Variants in RALYL observed in about 807,000 individuals in gnomAD.
The protein encoded by RALYL is RNA-binding Raly-like protein.
Under a neutral mutation model 35.1 loss-of-function variants are expected in RALYL, and 29 were observed. The ratio of observed to expected loss-of-function variants is 0.83; its 90% CI spans 0.61 to 1.13. The LOEUF (loss-of-function observed/expected upper bound fraction) is 1.13, where lower values mean the gene tolerates loss of function less well. Among genes scored for constraint, RALYL ranks in the 50% most tolerant of loss-of-function variants. The pLI, the probability that RALYL is intolerant of heterozygous loss-of-function variation, is 0.00. For missense variants in RALYL, 359 were observed against 360.4 expected (o/e 1.00, Z 0.03); for synonymous variants, 120 against 127.6 (o/e 0.94, Z 0.40).
intron 2 of RALYL, among the ~76,000 whole-genome samples, chr8:84,594,469 A>G (rs1331691502): frequency 1.3e-5 from 2 of 152,060 alleles, no homozygotes; most frequent in Non-Finnish European, 2.9e-5. Flanking sequence ...TATATAGATA[A>G]AAATGAACAT....
At chr8:84,583,851 C>T (rs573138338) in intron 2 of RALYL, among the ~76,000 whole-genome samples, 23 of 152,174 alleles carry the variant, frequency 1.5e-4, no homozygotes, top group Admixed American at 7.2e-4. Context: ...AAAACAGAGG[C>T]TTAGGAATAG....
At chr8:84,779,469 C>T (rs1817596992) in intron 3 of RALYL, among the ~76,000 whole-genome samples, 1 of 152,166 alleles carries the variant, frequency 6.6e-6, no homozygotes, top group Non-Finnish European at 1.5e-5. Flanking sequence ...TATATAGTTT[C>T]ATCCCATTGA....
At chr8:84,562,409 T>C (rs1373403734) in intron 2 of RALYL, among the ~76,000 whole-genome samples, 2 of 151,960 alleles carry the variant, frequency 1.3e-5, no homozygotes, top group Non-Finnish European at 2.9e-5. Flanking sequence ...ATTAACTCGT[T>C]AACATCTTCA....
At chr8:84,573,431 C>T (rs1205055853) in intron 2 of RALYL, among the ~76,000 whole-genome samples, 1 of 151,704 alleles carries the variant, frequency 6.6e-6, no homozygotes, top group African/African-American at 2.4e-5. Flanking sequence ...GTAATCTTTG[C>T]TCCTATGTAC....
intron 2 of RALYL, among the ~76,000 whole-genome samples, chr8:84,751,293 C>T (rs528654467): frequency 8.5e-5 from 13 of 152,122 alleles, no homozygotes; most frequent in Admixed American, 7.9e-4. Flanking sequence ...CTGCAACCTC[C>T]GCCTCCCAGG....
At chr8:84,229,476 A>G (rs1824815868) in intron 1 of RALYL, among the ~76,000 whole-genome samples, 1 of 152,224 alleles carries the variant, frequency 6.6e-6, no homozygotes, top group Admixed American at 6.5e-5. Flanking sequence ...TTCTTACACT[A>G]GAAGACAACT....
At chr8:84,884,117 G>T (rs1332720642) in intron 7 of RALYL, among the ~76,000 whole-genome samples, 5 of 152,012 alleles carry the variant, frequency 3.3e-5, no homozygotes, top group African/African-American at 1.2e-4. Context: ...AAAATGTTTT[G>T]ATAACTGACT....
At chr8:84,690,092 A>G (rs1323350530) in intron 2 of RALYL, among the ~76,000 whole-genome samples, 2 of 152,152 alleles carry the variant, frequency 1.3e-5, no homozygotes, top group Non-Finnish European at 2.9e-5. Flanking sequence ...TCATTGCAGC[A>G]TTATTCACAA....
rs556924476 is a variant in RALYL, at chr8:84,801,363, C to T, written c.333-3407C>T. 8.5e-5 allele frequency among the ~76,000 whole-genome samples: 13 copies of T among 152,306 alleles called. No homozygotes were observed. The South Asian group carries it at 1.2e-3, about 15-fold the overall frequency. ...TCGGCAACATTCTCCCCTCTAGACC[C>T]ATCATCAGAAGACTTAACACAAAAC... On this transcript the variant is annotated intron_variant, in intron 3 of 8. Transcript: ENST00000521268.
chr8:84,587,066 G>A (rs1490423929), intron 2 of RALYL, among the ~76,000 whole-genome samples: 3 of 152,130 alleles, frequency 2.0e-5, no homozygotes, highest in Non-Finnish European at 4.4e-5. Context: ...GAAGCAGAAA[G>A]GAACAGACAT....
chr8:84,414,078 G>A (rs1027129397), intron 1 of RALYL, among the ~76,000 whole-genome samples: 1 of 151,974 alleles, frequency 6.6e-6, no homozygotes, highest in Admixed American at 6.6e-5. Flanking sequence ...CTTCTATTGT[G>A]TTCAGCAGAA....
chr8:84,740,110 C>T (rs1425567221), intron 2 of RALYL, among the ~76,000 whole-genome samples: 1 of 151,908 alleles, frequency 6.6e-6, no homozygotes, highest in Non-Finnish European at 1.5e-5. Context: ...CATGCTAATA[C>T]TTATGAACGA....
intron 2 of RALYL, among the ~76,000 whole-genome samples, chr8:84,645,289 T>A (rs925119795): frequency 2.0e-5 from 3 of 151,880 alleles, no homozygotes; most frequent in African/African-American, 7.2e-5. Context: ...TTATACTACA[T>A]TTTAACTTGT....
At chr8:84,218,470 T>A (rs990871312) in intron 1 of RALYL, among the ~76,000 whole-genome samples, 1 of 152,098 alleles carries the variant, frequency 6.6e-6, no homozygotes, top group African/African-American at 2.4e-5. Flanking sequence ...TGTTCAGAGC[T>A]GTTAAAATGT....
chr8:84,769,618 G>A (rs1380257733), intron 2 of RALYL, among the ~76,000 whole-genome samples: 1 of 152,040 alleles, frequency 6.6e-6, no homozygotes, highest in Non-Finnish European at 1.5e-5. Context: ...AAAATTAGTA[G>A]GGCAGGGTGG....
chr8:84,711,193 T>C (rs544882906), intron 2 of RALYL, among the ~76,000 whole-genome samples: 1 of 151,994 alleles, frequency 6.6e-6, no homozygotes, highest in South Asian at 2.1e-4. Context: ...AAAGATGAGG[T>C]CAAAAAAGCA....
intron 1 of RALYL, among the ~76,000 whole-genome samples, chr8:84,280,440 TAAAC>T (rs1220605042): frequency 5.9e-5 from 9 of 152,088 alleles, no homozygotes; most frequent in African/African-American, 2.4e-5. Flanking sequence ...AACGACTAAA[TAAAC>T]AGTATGTTAC....
chr8:84,186,670 T>C (rs1812606898), intron 1 of RALYL, among the ~76,000 whole-genome samples: 2 of 152,194 alleles, frequency 1.3e-5, no homozygotes, highest in Admixed American at 6.5e-5. Flanking sequence ...ACGATTTTAA[T>C]GTGAGGACAG....
chr8:84,269,962 T>C lies in RALYL; in HGVS notation c.-24+85538T>C, dbSNP rs186574670. Among the ~76,000 whole-genome samples the C allele has an allele frequency of 1.7e-3, 252 of 152,252 alleles. 1 individual carries two copies. The highest frequency in any genetic ancestry group is 5.8e-3 in the African/African-American group (242 of 41,548). On this transcript the variant is annotated intron_variant, in intron 1 of 8. Coordinates refer to ENST00000521268, the MANE Select transcript of RALYL (RefSeq NM_173848.7). Reference sequence around the variant, plus strand: ...TAAAGAGTAAATTAGGGTAAAGAACTAGTTTCTGATTGTATAATTTTACTG... The same window carrying C: ...TAAAGAGTAAATTAGGGTAAAGAACCAGTTTCTGATTGTATAATTTTACTG...
Sources: allele counts gnomAD v4.1 joint callset (sites outside exome capture counted in the v4.1 genomes callset), GRCh38; gene constraint gnomAD v4.1.1; transcripts MANE v1.5; gene names NCBI Gene and HGNC (gene_info 2026-07-23, HGNC 2026-07-21).